The following MAPK8 variants were observed in gnomAD, a reference collection of about 807,000 sequenced individuals.
MAPK8 encodes the protein JUN N-terminal kinase.
In MAPK8, 13 loss-of-function variants were observed where a neutral mutation model predicts 52.9. The ratio of observed to expected loss-of-function variants is 0.25; its 90% CI spans 0.16 to 0.39. The LOEUF (loss-of-function observed/expected upper bound fraction) is 0.39. Ranked by LOEUF, MAPK8 falls within the 10% of genes least tolerant of loss-of-function variation. The pLI is 1.00. For missense variants in MAPK8, 300 were observed against 519.2 expected (o/e 0.58, Z 4.10); for synonymous variants, 191 against 169.8 (o/e 1.12, Z -0.97).
intron 1 of MAPK8, among the ~76,000 whole-genome samples, chr10:48,365,458 T>G (rs902492354): frequency 2.0e-5 from 3 of 152,202 alleles, no homozygotes; most frequent in Non-Finnish European, 4.4e-5. Flanking sequence ...CCATATCACC[T>G]TAGAAATTTT....
chr10:48,402,646 A>G (rs1028502961), intron 2 of MAPK8, among the ~76,000 whole-genome samples: 4 of 152,232 alleles, frequency 2.6e-5, no homozygotes, highest in African/African-American at 9.6e-5. Flanking sequence ...AAGAATAATT[A>G]TATTTTTATT....
intron 1 of MAPK8, among the ~76,000 whole-genome samples, chr10:48,355,444 G>A (rs1437043939): frequency 6.8e-6 from 1 of 146,956 alleles, no homozygotes; most frequent in Non-Finnish European, 1.5e-5. Flanking sequence ...AGGAGGCGGA[G>A]CTTGCAGTGA....
intron 10 of MAPK8, among the ~76,000 whole-genome samples, chr10:48,429,010 C>T (rs1419550513): frequency 3.3e-5 from 5 of 149,358 alleles, no homozygotes; most frequent in Non-Finnish European, 5.9e-5. Flanking sequence ...TTTTTTGAGA[C>T]AGGGTCTCAC....
chr10:48,410,012 CT>C lies in MAPK8; in HGVS notation c.312-12del, dbSNP rs1487103739. 7 of 1,602,864 alleles carry C rather than the reference CT, an allele frequency of 4.4e-6. No individual in the cohort carries two copies. The highest frequency in any genetic ancestry group is 1.3e-5 in the African/African-American group (1 of 74,174). Reference sequence around the variant, plus strand: ...TGCTGCTGGACACTTTAGCTGTTCTCTTTTTTCACTCATAAAGTTACATAGT... The same window carrying C: ...TGCTGCTGGACACTTTAGCTGTTCTCTTTTTCACTCATAAAGTTACATAGT... On this transcript the variant is annotated splice_polypyrimidine_tract_variant and intron_variant, in intron 4 of 11. Coordinates refer to ENST00000374189, the MANE Select transcript of MAPK8 (RefSeq NM_001323329.2).
At chr10:48,347,912 C>T (rs910226918) in intron 1 of MAPK8, among the ~76,000 whole-genome samples, 1 of 152,134 alleles carries the variant, frequency 6.6e-6, no homozygotes, top group Admixed American at 6.5e-5. Context: ...GGTATATACC[C>T]AGTAATGGGA....
At chr10:48,377,801 A>T (rs2040761282) in intron 1 of MAPK8, among the ~76,000 whole-genome samples, 1 of 151,020 alleles carries the variant, frequency 6.6e-6, no homozygotes, top group African/African-American at 2.5e-5. Context: ...AAAAATAAAT[A>T]AAAGATGAAT....
At position 48,329,781 on chromosome 10, in the gene MAPK8, T is replaced by C. The variant is rs72792277; in HGVS notation, c.-50+22960T>C. 2.0e-3 allele frequency among the ~76,000 whole-genome samples: 298 copies of C among 152,324 alleles called. 1 individual carries two copies. Among genetic ancestry groups the C allele is most frequent in the Non-Finnish European group, 2.9e-3 (197 of 68,014 alleles). ...TTTGATGTGTTAACATAGGGTCCAT[T>C]GCATCCTATTTACTGGTTTATTTTT... On this transcript the variant is annotated intron_variant, in intron 1 of 11. Transcript: ENST00000374189.
At chr10:48,407,651 T>C (rs2042543294) in intron 3 of MAPK8, among the ~76,000 whole-genome samples, 1 of 152,226 alleles carries the variant, frequency 6.6e-6, no homozygotes, top group Non-Finnish European at 1.5e-5. Context: ...ATTTGAAGTA[T>C]ACCATTCAGT....
chr10:48,400,821 T>C (rs950600095), intron 1 of MAPK8, among the ~76,000 whole-genome samples: 1 of 152,230 alleles, frequency 6.6e-6, no homozygotes, highest in African/African-American at 2.4e-5. Context: ...GATAAGTTTG[T>C]TAATAACCAG....
At chr10:48,384,872 A>G (rs2041218157) in intron 1 of MAPK8, among the ~76,000 whole-genome samples, 1 of 152,228 alleles carries the variant, frequency 6.6e-6, no homozygotes, top group South Asian at 2.1e-4. Flanking sequence ...AATGAGGCAT[A>G]GTTAATACAG....
chr10:48,345,467 A>G (rs1845676562), intron 1 of MAPK8, among the ~76,000 whole-genome samples: 1 of 152,236 alleles, frequency 6.6e-6, no homozygotes, highest in Non-Finnish European at 1.5e-5. Context: ...AATTAGGCAC[A>G]TTTCTTTTGA....
At position 48,425,919 on chromosome 10, in the gene MAPK8, G is replaced by T. The variant is rs2043653013; in HGVS notation, c.720G>T (p.Gln240His). The T allele has an allele frequency of 5.0e-6, 8 of 1,610,334 alleles. No individual in the cohort carries two copies. Among genetic ancestry groups the T allele is most frequent in the Non-Finnish European group, 6.8e-6 (8 of 1,177,914 alleles). Residue 240 changes from glutamine (Q) to histidine (H), a missense_variant, in exon 8 of 12, where the codon CAG (glutamine) becomes CAT (histidine). Gln to His is a conservative substitution (Grantham distance 24). Around this residue, in one of 3 missense-constraint regions of MAPK8, gnomAD observed 147 missense variants for 328.1 expected, o/e 0.45. Coordinates refer to ENST00000374189, the MANE Select transcript of MAPK8 (RefSeq NM_001323329.2). ...ATCAGTGGAATAAAGTTATTGAACA[G>T]CTTGGAACACCATGTCCTGAATTCA... The part of the protein sequence containing the change: ...YIDQWNKVIE[Q>H]LGTPCPEFMK...
At chr10:48,319,293 CA>C (rs1202813032) in intron 1 of MAPK8, among the ~76,000 whole-genome samples, 6 of 152,060 alleles carry the variant, frequency 3.9e-5, no homozygotes, top group Admixed American at 2.6e-4. Flanking sequence ...ATATACAGCT[CA>C]AAGCTTTTTT....
rs148940549 is a variant in MAPK8 at position 48,364,793 on chromosome 10, A to C, written c.-49-36819A>C. Reference sequence around the variant, plus strand: ...TTGGATACTTTCATATCCTAAAGACAGAAAACTCCAAACAAAGGATTGATT... The same window carrying C: ...TTGGATACTTTCATATCCTAAAGACCGAAAACTCCAAACAAAGGATTGATT... On this transcript the variant is annotated intron_variant, in intron 1 of 11. Coordinates refer to ENST00000374189, the MANE Select transcript of MAPK8 (RefSeq NM_001323329.2). Among the ~76,000 whole-genome samples, 51 of 152,318 alleles carry C rather than the reference A, an allele frequency of 3.3e-4. No homozygotes were observed. The East Asian group carries it at 7.7e-3, about 23-fold the overall frequency.
At chr10:48,386,810 A>G (rs1429662945) in intron 1 of MAPK8, among the ~76,000 whole-genome samples, 3 of 152,314 alleles carry the variant, frequency 2.0e-5, no homozygotes, top group East Asian at 1.9e-4. Context: ...TGAAATATAT[A>G]TATTTTAAAG....
intron 1 of MAPK8, among the ~76,000 whole-genome samples, chr10:48,396,981 A>C (rs1367896253): frequency 6.6e-6 from 1 of 152,172 alleles, no homozygotes; most frequent in Non-Finnish European, 1.5e-5. Context: ...TAGAAGTTAC[A>C]AAATATTACA....
rs375013090 is a variant in MAPK8 at position 48,407,943 on chromosome 10, G to T, written c.253-1936G>T. Among the ~76,000 whole-genome samples the T allele has an allele frequency of 5.3e-5, 8 of 152,290 alleles. No individual in the cohort carries two copies. The East Asian group carries it at 1.3e-3, about 26-fold the overall frequency. ...TATTGTGCATTGCATGCGGTTGGTA[G>T]ACTTGAACTTATTTAGAGCAGCCAG... On this transcript the variant is annotated intron_variant, in intron 3 of 11. Coordinates refer to ENST00000374189, the MANE Select transcript of MAPK8 (RefSeq NM_001323329.2).
In MAPK8 at chr10:48,435,057, G is replaced by GC; in HGVS notation, c.*28_*29insC. 12 of 421,614 alleles carry GC rather than the reference G, an allele frequency of 2.8e-5. No individual in the cohort carries two copies. Among genetic ancestry groups the GC allele is most frequent in the East Asian group, 1.3e-4 (2 of 15,524 alleles). The allele number at this position is 421,614 out of a possible 1,614,324, so 26.1% of individuals were successfully genotyped here. On this transcript the variant is annotated 3_prime_UTR_variant, in exon 12 of 12. Transcript: ENST00000374189. ...ACTTGGGCCATCGGGGGGTGGGAGG[G>GC]ATGGGGAGTCGGTTAGTCATTGATA... is the stretch of plus-strand genomic sequence containing the variant.
At chr10:48,395,041 T>C (rs2041821643) in intron 1 of MAPK8, among the ~76,000 whole-genome samples, 1 of 151,956 alleles carries the variant, frequency 6.6e-6, no homozygotes, top group South Asian at 2.1e-4. Flanking sequence ...AAGTGTCATG[T>C]CTGTGAATCA....
Sources: gnomAD v4.1 joint callset for allele counts (sites outside exome capture counted in the v4.1 genomes callset) on GRCh38, gnomAD v4.1.1 for gene constraint, gnomAD v4.1.1 regional missense constraint, MANE v1.5 for transcripts, NCBI Gene and HGNC (gene_info 2026-07-23, HGNC 2026-07-21) for gene names.